NALF1: variants seen among roughly 807,000 people sequenced by gnomAD.
NALF1 encodes the protein NALCN channel auxiliary factor 1, also known as family with sequence similarity 155 member A.
Under a neutral mutation model 48.4 loss-of-function variants are expected in NALF1, and 3 were observed. The observed-to-expected ratio is 0.06, with a 90% CI of 0.03 to 0.16. The LOEUF is 0.16. Ranked by LOEUF, NALF1 falls within the 10% of genes least tolerant of loss-of-function variation. The pLI, the probability that NALF1 is intolerant of heterozygous loss-of-function variation, is 1.00. For synonymous variants in NALF1, 262 were observed against 245.7 expected, an observed-to-expected ratio of 1.07 and a Z score of -0.62; for missense variants, 526 against 571.5, an observed-to-expected ratio of 0.92 and a Z score of 0.81.
chr13:107,307,893 T>C (rs370186929), intron 1 of NALF1, among the ~76,000 whole-genome samples: 7 of 152,184 alleles, frequency 4.6e-5, no homozygotes, highest in Admixed American at 2.0e-4. Flanking sequence ...ATACAAATAT[T>C]GTAAGTGGAT....
At chr13:107,282,972 T>A (rs1254964961) in intron 1 of NALF1, among the ~76,000 whole-genome samples, 2 of 152,232 alleles carry the variant, frequency 1.3e-5, no homozygotes, top group Non-Finnish European at 2.9e-5. Context: ...AAAGTTATAC[T>A]CGTCAGATTA....
intron 1 of NALF1, among the ~76,000 whole-genome samples, chr13:107,235,927 G>A (rs1566459898): frequency 6.6e-6 from 1 of 152,066 alleles, no homozygotes; most frequent in Non-Finnish European, 1.5e-5. Context: ...CCATGTTTTG[G>A]GGACATGTTA....
intron 1 of NALF1, among the ~76,000 whole-genome samples, chr13:107,771,072 A>G (rs1877563281): frequency 6.6e-6 from 1 of 152,210 alleles, no homozygotes; most frequent in South Asian, 2.1e-4. Flanking sequence ...TATGTCAAAT[A>G]TCGATTTATC....
intron 1 of NALF1, among the ~76,000 whole-genome samples, chr13:107,368,190 C>T (rs945245378): frequency 3.9e-5 from 6 of 152,074 alleles, no homozygotes; most frequent in African/African-American, 1.4e-4. Flanking sequence ...GTTATAACAC[C>T]AATATGGCAG....
chr13:107,164,706 T>G lies in NALF1; in HGVS notation c.*5791A>C, dbSNP rs748084128. 3.9e-5 allele frequency: 6 copies of G among 152,058 alleles called. No individual in the cohort carries two copies. Among genetic ancestry groups the G allele is most frequent in the Non-Finnish European group, 8.8e-5 (6 of 68,028 alleles). 9.4% of individuals were successfully genotyped at this position (152,058 alleles called of 1,614,324 possible). On this transcript the variant is annotated 3_prime_UTR_variant, in exon 3 of 3. Coordinates refer to ENST00000375915, the MANE Select transcript of NALF1 (RefSeq NM_001080396.3). ...ATATTAAAAGTCATCAGAGCTCACT[T>G]TAGTTCTGTAATATATGTTAAGACT...
At chr13:107,170,899 A>G in intron 2 of NALF1, 113 bp from the exon 3 acceptor site, 1 of 945,694 alleles carries the variant, frequency 1.1e-6, no homozygotes, top group Admixed American at 2.5e-5. Context: ...GCAATTAGAC[A>G]TTTATTTAAA....
At chr13:107,295,567 A>C (rs1357796197) in intron 1 of NALF1, among the ~76,000 whole-genome samples, 2 of 152,150 alleles carry the variant, frequency 1.3e-5, no homozygotes, top group East Asian at 3.9e-4. Context: ...GTGAGACGAC[A>C]AGTTCCTTCC....
intron 1 of NALF1, among the ~76,000 whole-genome samples, chr13:107,299,289 G>C (rs1373676914): frequency 1.3e-5 from 2 of 151,860 alleles, no homozygotes; most frequent in Non-Finnish European, 1.5e-5. Flanking sequence ...AAATTAGCTG[G>C]GCATGGTGGC....
intron 1 of NALF1, among the ~76,000 whole-genome samples, chr13:107,833,868 C>T (rs1237002141): frequency 6.6e-6 from 1 of 150,800 alleles, no homozygotes; most frequent in Admixed American, 6.6e-5. Flanking sequence ...ATTAAAGTAC[C>T]TTAAAGCTGT....
At chr13:107,337,810 T>C (rs1882588697) in intron 1 of NALF1, among the ~76,000 whole-genome samples, 1 of 152,128 alleles carries the variant, frequency 6.6e-6, no homozygotes, top group Non-Finnish European at 1.5e-5. Flanking sequence ...ACTTCCTAGG[T>C]TGGTTGTTGC....
chr13:107,544,004 G>C (rs1014959395), intron 1 of NALF1, among the ~76,000 whole-genome samples: 3 of 152,010 alleles, frequency 2.0e-5, no homozygotes, highest in African/African-American at 4.8e-5. Context: ...TACCTGTGGA[G>C]TAGGGGTGAT....
At chr13:107,270,900 TGA>T (rs776581268) in intron 1 of NALF1, among the ~76,000 whole-genome samples, 1 of 150,000 alleles carries the variant, frequency 6.7e-6, no homozygotes, top group Non-Finnish European at 1.5e-5. Flanking sequence ...CAACTATGAG[TGA>T]GAATATGCGG....
chr13:107,460,525 A>C (rs1441986480), intron 1 of NALF1, among the ~76,000 whole-genome samples: 1 of 152,224 alleles, frequency 6.6e-6, no homozygotes, highest in Non-Finnish European at 1.5e-5. Context: ...CTGGGCATCA[A>C]ATTCAATTTT....
chr13:107,649,304 G>A (rs185655482), intron 1 of NALF1, among the ~76,000 whole-genome samples: 2 of 152,182 alleles, frequency 1.3e-5, no homozygotes, highest in Admixed American at 6.5e-5. Flanking sequence ...TACATCTTGA[G>A]TCATACCTCT....
At chr13:107,197,227 T>C (rs1471855183) in intron 2 of NALF1, among the ~76,000 whole-genome samples, 1 of 152,316 alleles carries the variant, frequency 6.6e-6, no homozygotes, top group East Asian at 1.9e-4. Flanking sequence ...GAAATAAATA[T>C]CTTTTCTTTA....
chr13:107,651,330 CTG>C (rs1025793583), intron 1 of NALF1, among the ~76,000 whole-genome samples: 1 of 152,138 alleles, frequency 6.6e-6, no homozygotes, highest in Non-Finnish European at 1.5e-5. Context: ...CTTTAAAACT[CTG>C]TGCTTTTCTA....
intron 1 of NALF1, among the ~76,000 whole-genome samples, chr13:107,728,273 G>A (rs370502720): frequency 2.6e-5 from 4 of 152,108 alleles, no homozygotes; most frequent in African/African-American, 9.7e-5. Flanking sequence ...CAAATACTTG[G>A]AACCAACCCA....
At chr13:107,579,295 T>C (rs1238694564) in intron 1 of NALF1, among the ~76,000 whole-genome samples, 2 of 152,180 alleles carry the variant, frequency 1.3e-5, no homozygotes, top group Admixed American at 6.5e-5. Flanking sequence ...TTTACCATGT[T>C]GGCAAGACCG....
intron 1 of NALF1, among the ~76,000 whole-genome samples, chr13:107,584,263 T>C (rs1448480365): frequency 2.0e-5 from 3 of 152,174 alleles, no homozygotes; most frequent in Admixed American, 6.6e-5. Context: ...ATTAGACATA[T>C]ATCACAGTTA....
Sources: gnomAD v4.1 joint callset for allele counts (sites outside exome capture counted in the v4.1 genomes callset) on GRCh38, gnomAD v4.1.1 for gene constraint, MANE v1.5 for transcripts, NCBI Gene and HGNC (gene_info 2026-07-23, HGNC 2026-07-21) for gene names.